Variants in SFXN1 observed in about 807,000 individuals in gnomAD.
SFXN1 encodes the protein sideroflexin-1.
In SFXN1, 32 loss-of-function variants were observed where a neutral mutation model predicts 39.5. The observed-to-expected ratio is 0.81, with a 90% CI of 0.61 to 1.09. The LOEUF (loss-of-function observed/expected upper bound fraction) is 1.09. Among genes scored for constraint, SFXN1 ranks in the 50% least tolerant of loss-of-function variants. The pLI, the probability that SFXN1 is intolerant of heterozygous loss-of-function variation, is 0.00. For missense variants in SFXN1, 402 were observed against 407.1 expected, an observed-to-expected ratio of 0.99 and a Z score of 0.11; for synonymous variants, 136 against 146.5, an observed-to-expected ratio of 0.93 and a Z score of 0.52.
chr5:175,502,907 A>G (rs577077722), intron 2 of SFXN1, among the ~76,000 whole-genome samples: 2 of 152,304 alleles, frequency 1.3e-5, no homozygotes, highest in South Asian at 4.1e-4. Context: ...GAACAGATTA[A>G]CCAACTCATA....
rs156372 is a variant in SFXN1 at position 175,528,791 on chromosome 5, G to A, written c.*2057G>A. 0.23 allele frequency: 35,508 copies of A among 152,028 alleles called. 5,485 individuals carry two copies. The highest frequency in any genetic ancestry group is 0.44 in the African/African-American group (18,176 of 41,426). The allele number at this position is 152,028 out of a possible 1,614,324, so 9.4% of individuals were successfully genotyped here. On this transcript the variant is annotated 3_prime_UTR_variant, in exon 11 of 11. Coordinates refer to ENST00000321442, the MANE Select transcript of SFXN1 (RefSeq NM_022754.7). The stretch of plus-strand genomic sequence containing the variant: ...TTGGACAGATTCTGTTGTCCTCGAC[G>A]CGTCTCTTTATAAAGTGGTAAAAGC...
At chr5:175,478,862 C>G (rs112099114) in intron 1 of SFXN1, among the ~76,000 whole-genome samples, 3 of 152,170 alleles carry the variant, frequency 2.0e-5, no homozygotes, top group African/African-American at 7.2e-5. Context: ...CCGGACAACA[C>G]CACGCTTCCA....
chr5:175,480,075 C>T (rs532756103), intron 1 of SFXN1, among the ~76,000 whole-genome samples: 1 of 152,288 alleles, frequency 6.6e-6, no homozygotes, highest in Admixed American at 6.5e-5. Flanking sequence ...TCCTTTCTCT[C>T]CTCAGCACTG....
At chr5:175,504,055 G>T (rs752575554) in intron 2 of SFXN1, among the ~76,000 whole-genome samples, 1 of 150,582 alleles carries the variant, frequency 6.6e-6, no homozygotes, top group Non-Finnish European at 1.5e-5. Context: ...AAGAAAAGAG[G>T]GGGGTGGGGG....
intron 1 of SFXN1, among the ~76,000 whole-genome samples, chr5:175,480,525 G>A (rs1349256206): frequency 6.6e-6 from 1 of 152,240 alleles, no homozygotes; most frequent in Non-Finnish European, 1.5e-5. Flanking sequence ...GATGATATCT[G>A]TGGTTACAGT....
At chr5:175,500,864 C>T (rs1228740343) in intron 2 of SFXN1, among the ~76,000 whole-genome samples, 1 of 152,054 alleles carries the variant, frequency 6.6e-6, no homozygotes, top group African/African-American at 2.4e-5. Context: ...CAAGATAATT[C>T]AATGAGGAAA....
rs1001474885 is a variant in SFXN1 at position 175,528,554 on chromosome 5, G to A, written c.*1820G>A. On this transcript the variant is annotated 3_prime_UTR_variant, in exon 11 of 11. Coordinates refer to ENST00000321442, the MANE Select transcript of SFXN1 (RefSeq NM_022754.7). The stretch of plus-strand genomic sequence containing the variant: ...ATATAGAAACTATTTAGTTTTGGTA[G>A]ATTTTTTTTCTGACAATGTGACCAG... The A allele has an allele frequency of 1.3e-5, 2 of 152,116 alleles. No individual in the cohort carries two copies. Among genetic ancestry groups the A allele is most frequent in the African/African-American group, 2.4e-5 (1 of 41,426 alleles). 9.4% of individuals were successfully genotyped at this position (152,116 alleles called of 1,614,324 possible). A position where few individuals can be genotyped will look rare whatever the true frequency, so the allele number is the denominator to read the frequency against.
chr5:175,483,345 T>C (rs1390193609), intron 1 of SFXN1, among the ~76,000 whole-genome samples: 1 of 152,202 alleles, frequency 6.6e-6, no homozygotes, highest in African/African-American at 2.4e-5. Flanking sequence ...CCACAGAATT[T>C]TTTTAAGTCC....
At chr5:175,509,517 C>CT (rs79308152) in intron 3 of SFXN1, 2,606 of 165,502 alleles carry the variant, frequency 0.016, 20 homozygotes, top group African/African-American at 0.027. Flanking sequence ...CTCTGGGACT[C>CT]TTTTTTTTTT....
intron 2 of SFXN1, among the ~76,000 whole-genome samples, chr5:175,506,382 A>C (rs1224706469): frequency 6.6e-6 from 1 of 152,214 alleles, no homozygotes; most frequent in African/African-American, 2.4e-5. Flanking sequence ...TGTGGATGGT[A>C]ATTTTTTAAA....
intron 8 of SFXN1, among the ~76,000 whole-genome samples, chr5:175,521,680 G>A (rs1760882975): frequency 6.6e-6 from 1 of 152,192 alleles, no homozygotes; most frequent in South Asian, 2.1e-4. Context: ...CAGATTAAAT[G>A]GGGGACTGGG....
At chr5:175,511,327 T>C (rs956147682) in intron 4 of SFXN1, 124 bp from the exon 5 acceptor site, 22 of 742,404 alleles carry the variant, frequency 3.0e-5, no homozygotes, top group Admixed American at 1.7e-4. Flanking sequence ...GTGAATGTTG[T>C]TTTGTAGACT....
At chr5:175,497,936 G>GAAAAAA (rs71581646) in intron 2 of SFXN1, among the ~76,000 whole-genome samples, 1 of 95,836 alleles carries the variant, frequency 1.0e-5, no homozygotes, top group Non-Finnish European at 2.3e-5. Context: ...GTCTCAAAAA[G>GAAAAAA]AAAAAAAAAA....
chr5:175,492,862 G>A (rs1413260161), intron 2 of SFXN1, among the ~76,000 whole-genome samples: 1 of 152,162 alleles, frequency 6.6e-6, no homozygotes, highest in Non-Finnish European at 1.5e-5. Context: ...TTCTGTAAAA[G>A]ATCATATAGG....
chr5:175,528,592 C>T lies in SFXN1; in HGVS notation c.*1858C>T, dbSNP rs1289591395. 6.6e-6 allele frequency: 1 copy of T among 152,028 alleles called. No homozygotes were observed. The highest frequency in any genetic ancestry group is 6.5e-5 in the Admixed American group (1 of 15,268). The allele number at this position is 152,028 out of a possible 1,614,324, so 9.4% of individuals were successfully genotyped here. On this transcript the variant is annotated 3_prime_UTR_variant, in exon 11 of 11. Coordinates refer to ENST00000321442, the MANE Select transcript of SFXN1 (RefSeq NM_022754.7). ...ACAATGTGACCAGACTGAATTTCCT[C>T]ATAAAGAAAAAATGGCGTGCCTTGT... is the stretch of plus-strand genomic sequence containing the variant.
chr5:175,512,982 A>T (rs150724707), intron 6 of SFXN1, among the ~76,000 whole-genome samples: 1 of 152,112 alleles, frequency 6.6e-6, no homozygotes, highest in Non-Finnish European at 1.5e-5. Flanking sequence ...TCAAAGGAGG[A>T]TTAAACTTAT....
At chr5:175,524,122 AAAAATATATATATATATATAT>A (rs70988290) in intron 10 of SFXN1, 1,346 of 29,410 alleles carry the variant, frequency 0.046, 12 homozygotes, top group South Asian at 0.1. Flanking sequence ...AAAAAAAAAA[AAAAATATATATATATATATAT>A]ATATATATAT....
chr5:175,505,704 T>C (rs545395852), intron 2 of SFXN1, among the ~76,000 whole-genome samples: 25 of 152,134 alleles, frequency 1.6e-4, no homozygotes, highest in Admixed American at 9.8e-4. Context: ...GGTATTGGCA[T>C]CAGAATATGT....
At chr5:175,493,121 C>T (rs976700483) in intron 2 of SFXN1, among the ~76,000 whole-genome samples, 12 of 151,946 alleles carry the variant, frequency 7.9e-5, no homozygotes, top group African/African-American at 1.2e-4. Context: ...GGCATGGTGG[C>T]GGGCGCCTGT....
Sources: gnomAD v4.1 joint callset for allele counts (sites outside exome capture counted in the v4.1 genomes callset) on GRCh38, gnomAD v4.1.1 for gene constraint, MANE v1.5 for transcripts, NCBI Gene and HGNC (gene_info 2026-07-23, HGNC 2026-07-21) for gene names.